Variants in NLGN1 observed in about 807,000 individuals in gnomAD.
The protein encoded by NLGN1 is neuroligin-1.
NLGN1 carries 12 observed loss-of-function variants against 65.5 expected under a neutral mutation model. That is an observed-to-expected ratio of 0.18 (90% CI 0.12 to 0.30). The LOEUF is 0.30. Among genes scored for constraint, NLGN1 ranks in the 10% least tolerant of loss-of-function variants. NLGN1 has a pLI of 1.00. For missense variants in NLGN1, 750 were observed against 1,007.1 expected, an observed-to-expected ratio of 0.74 and a Z score of 3.46; for synonymous variants, 350 against 359.5, an observed-to-expected ratio of 0.97 and a Z score of 0.30.
chr3:173,956,757 G>C (rs2152338971), intron 4 of NLGN1, among the ~76,000 whole-genome samples: 1 of 152,204 alleles, frequency 6.6e-6, no homozygotes, highest in East Asian at 1.9e-4. Context: ...TAATGATACT[G>C]GTCATGATTG....
At chr3:174,217,974 A>T (rs1737940471) in intron 4 of NLGN1, among the ~76,000 whole-genome samples, 1 of 152,074 alleles carries the variant, frequency 6.6e-6, no homozygotes, top group Non-Finnish European at 1.5e-5. Flanking sequence ...CTTTAGAAGT[A>T]GAGTTTTGCA....
chr3:173,638,939 T>C (rs181224767), intron 3 of NLGN1, among the ~76,000 whole-genome samples: 4 of 152,258 alleles, frequency 2.6e-5, no homozygotes, highest in Middle Eastern at 6.8e-3. Context: ...GTAGTATTTA[T>C]GAAAACAGAA....
At chr3:173,495,693 A>C (rs75015600) in intron 2 of NLGN1, among the ~76,000 whole-genome samples, 14,749 of 150,044 alleles carry the variant, frequency 0.098, 923 homozygotes, top group Admixed American at 0.17. Flanking sequence ...AAAAAAAAAA[A>C]AAAACTCTAT....
intron 4 of NLGN1, among the ~76,000 whole-genome samples, chr3:173,930,234 A>G (rs1743850564): frequency 6.6e-6 from 1 of 152,212 alleles, no homozygotes. Context: ...TAAATCGCAT[A>G]TTATTCCAGG....
intron 4 of NLGN1, among the ~76,000 whole-genome samples, chr3:173,859,309 G>T (rs1205427621): frequency 1.3e-5 from 2 of 152,146 alleles, no homozygotes; most frequent in African/African-American, 4.8e-5. Context: ...TTTAGTTACT[G>T]ACTTCCTGTT....
chr3:174,038,941 A>G lies in NLGN1; in HGVS notation c.646+231109A>G, dbSNP rs199850763. ...CCACAGTAACCAGTGATGCTTAGCT[A>G]TTTTGTAGTTTGAATTGTTTCATTT... On this transcript the variant is annotated intron_variant, in intron 4 of 6. Transcript: ENST00000457714. Among the ~76,000 whole-genome samples the G allele has an allele frequency of 5.9e-5, 9 of 152,252 alleles. No homozygotes were observed. In the East Asian group the frequency reaches 1.7e-3, roughly 30 times the overall value.
intron 2 of NLGN1, among the ~76,000 whole-genome samples, chr3:173,586,281 G>T (rs1385853477): frequency 1.3e-5 from 2 of 152,138 alleles, no homozygotes; most frequent in Non-Finnish European, 2.9e-5. Context: ...GGGATTTCTG[G>T]TTTACAGATT....
intron 4 of NLGN1, among the ~76,000 whole-genome samples, chr3:174,185,430 G>A (rs1360002195): frequency 6.6e-6 from 1 of 152,026 alleles, no homozygotes; most frequent in African/African-American, 2.4e-5. Context: ...ATGTGACAGA[G>A]AATTCAATTT....
intron 3 of NLGN1, among the ~76,000 whole-genome samples, chr3:173,684,400 TA>T (rs1764396924): frequency 6.6e-6 from 1 of 152,302 alleles, no homozygotes; most frequent in African/African-American, 2.4e-5. Flanking sequence ...ATATGAAGTT[TA>T]AAAGTCAGAA....
intron 4 of NLGN1, among the ~76,000 whole-genome samples, chr3:174,195,395 T>C (rs1733222041): frequency 6.6e-6 from 1 of 152,212 alleles, no homozygotes. Flanking sequence ...AAAATTTACA[T>C]TTAAAAAGTC....
intron 3 of NLGN1, among the ~76,000 whole-genome samples, chr3:173,612,380 C>A (rs1425095643): frequency 6.6e-6 from 1 of 152,186 alleles, no homozygotes; most frequent in East Asian, 1.9e-4. Context: ...GGGATTTATT[C>A]TCTCAAAGTC....
intron 2 of NLGN1, among the ~76,000 whole-genome samples, chr3:173,441,342 G>C (rs1055753312): frequency 1.3e-5 from 2 of 152,068 alleles, no homozygotes; most frequent in Admixed American, 1.3e-4. Context: ...TTACAACTTA[G>C]CTAACCATTT....
intron 4 of NLGN1, among the ~76,000 whole-genome samples, chr3:173,934,705 G>A (rs1029203729): frequency 6.6e-6 from 1 of 151,896 alleles, no homozygotes; most frequent in African/African-American, 2.4e-5. Flanking sequence ...TATTCTCAAA[G>A]TATTTTCTCA....
chr3:174,142,307 T>C (rs1722437163), intron 4 of NLGN1, among the ~76,000 whole-genome samples: 1 of 152,192 alleles, frequency 6.6e-6, no homozygotes, highest in Admixed American at 6.5e-5. Flanking sequence ...TCAGAGTGTA[T>C]TTATCCATTC....
At chr3:174,083,750 G>A (rs374287938) in intron 4 of NLGN1, among the ~76,000 whole-genome samples, 32 of 151,986 alleles carry the variant, frequency 2.1e-4, no homozygotes, top group Middle Eastern at 6.8e-3. Flanking sequence ...GCTAATACCC[G>A]GCTAATATAG....
intron 2 of NLGN1, among the ~76,000 whole-genome samples, chr3:173,451,216 C>T (rs753758520): frequency 2.6e-5 from 4 of 152,084 alleles, no homozygotes; most frequent in African/African-American, 7.2e-5. Context: ...CTTTGATGAT[C>T]GTGACGTACA....
intron 3 of NLGN1, among the ~76,000 whole-genome samples, chr3:173,730,128 T>C (rs1217993422): frequency 6.6e-6 from 1 of 151,348 alleles, no homozygotes; most frequent in African/African-American, 2.4e-5. Flanking sequence ...TCAGTGCATA[T>C]ATGCTTATAT....
At chr3:174,114,327 C>T (rs1430375844) in intron 4 of NLGN1, among the ~76,000 whole-genome samples, 1 of 152,110 alleles carries the variant, frequency 6.6e-6, no homozygotes, top group Non-Finnish European at 1.5e-5. Context: ...TTATGTAATT[C>T]ATTAAAATAC....
chr3:173,782,170 T>A (rs1326922508), intron 3 of NLGN1, among the ~76,000 whole-genome samples: 4 of 152,088 alleles, frequency 2.6e-5, no homozygotes, highest in Admixed American at 1.3e-4. Flanking sequence ...ACACGAAATC[T>A]AACCATGTTG....
Sources: gnomAD v4.1 joint callset for allele counts (sites outside exome capture counted in the v4.1 genomes callset) on GRCh38, gnomAD v4.1.1 for gene constraint, MANE v1.5 for transcripts, NCBI Gene and HGNC (gene_info 2026-07-23, HGNC 2026-07-21) for gene names.